PLCH1: variants seen among roughly 807,000 people sequenced by gnomAD.
The protein encoded by PLCH1 is 1-phosphatidylinositol 4,5-bisphosphate phosphodiesterase eta-1.
Under a neutral mutation model 126.7 loss-of-function variants are expected in PLCH1, and 60 were observed. The ratio of observed to expected loss-of-function variants is 0.47; its 90% CI spans 0.38 to 0.59. PLCH1 has a LOEUF of 0.59. Ranked by LOEUF, PLCH1 falls within the 20% of genes least tolerant of loss-of-function variation. The pLI, the probability that PLCH1 is intolerant of heterozygous loss-of-function variation, is 0.00. For synonymous variants in PLCH1, 719 were observed against 734.9 expected, an observed-to-expected ratio of 0.98 and a Z score of 0.35; for missense variants, 1,723 against 2,040.0, an observed-to-expected ratio of 0.84 and a Z score of 2.99.
chr3:155,653,812 A>C (rs1741053893), intron 2 of PLCH1, among the ~76,000 whole-genome samples: 1 of 152,156 alleles, frequency 6.6e-6, no homozygotes. Context: ...CTACATCATC[A>C]ATTTATTTTT....
chr3:155,666,981 C>G (rs7428196), intron 2 of PLCH1, among the ~76,000 whole-genome samples: 50,571 of 151,368 alleles, frequency 0.33, 8,709 homozygotes, highest in East Asian at 0.46. Flanking sequence ...ATTATTAGGA[C>G]ATATATTCCA....
intron 2 of PLCH1, among the ~76,000 whole-genome samples, chr3:155,617,530 T>G (rs1735942296): frequency 6.6e-6 from 1 of 152,234 alleles, no homozygotes; most frequent in South Asian, 2.1e-4. Flanking sequence ...CAATGAAGTA[T>G]ACTCCTGTGA....
At chr3:155,667,294 A>G (rs1742834507) in intron 2 of PLCH1, among the ~76,000 whole-genome samples, 2 of 152,202 alleles carry the variant, frequency 1.3e-5, no homozygotes, top group Admixed American at 1.3e-4. Context: ...CCCTGACACC[A>G]GTGTTCCTCT....
chr3:155,633,247 C>G (rs12488043), intron 2 of PLCH1, among the ~76,000 whole-genome samples: 44,777 of 151,616 alleles, frequency 0.3, 7,189 homozygotes, highest in East Asian at 0.44. Flanking sequence ...TGGAGATGCT[C>G]TAAGAGGCTA....
intron 2 of PLCH1, among the ~76,000 whole-genome samples, chr3:155,657,180 C>G (rs907457232): frequency 1.7e-4 from 26 of 151,540 alleles, no homozygotes; most frequent in African/African-American, 6.3e-4. Context: ...ATGAAACAAA[C>G]AGAATATATG....
intron 2 of PLCH1, among the ~76,000 whole-genome samples, chr3:155,612,450 A>T (rs1735231283): frequency 6.6e-6 from 1 of 152,072 alleles, no homozygotes; most frequent in South Asian, 2.1e-4. Context: ...ACAAGAACAA[A>T]CTAAACCCAA....
intron 6 of PLCH1, among the ~76,000 whole-genome samples, chr3:155,571,824 G>C (rs1456104039): frequency 1.3e-5 from 2 of 152,210 alleles, no homozygotes; most frequent in Non-Finnish European, 2.9e-5. Flanking sequence ...TGGATCTGCA[G>C]ATCTGCCTCT....
chr3:155,737,861 CAGA>C (rs1344567726), intron 1 of PLCH1, among the ~76,000 whole-genome samples: 1 of 151,904 alleles, frequency 6.6e-6, no homozygotes. Context: ...ATCTAAGGTC[CAGA>C]AGCCTCTTCA....
intron 6 of PLCH1, among the ~76,000 whole-genome samples, chr3:155,578,820 G>T (rs1382341267): frequency 1.3e-5 from 2 of 152,050 alleles, no homozygotes; most frequent in South Asian, 4.2e-4. Context: ...GGTATCTCCG[G>T]CCTTCCCCCC....
chr3:155,621,600 A>T (rs1000016074), intron 2 of PLCH1, among the ~76,000 whole-genome samples: 1 of 152,270 alleles, frequency 6.6e-6, no homozygotes, highest in South Asian at 2.1e-4. Context: ...ACAGCACAAG[A>T]ACTTCGTGAA....
At chr3:155,587,416 G>C (rs1305481543) in intron 4 of PLCH1, among the ~76,000 whole-genome samples, 2 of 152,174 alleles carry the variant, frequency 1.3e-5, no homozygotes, top group African/African-American at 4.8e-5. Flanking sequence ...TGAGAGGAGA[G>C]AGAGAAATCT....
At chr3:155,609,226 G>A (rs186930603) in intron 2 of PLCH1, among the ~76,000 whole-genome samples, 4 of 152,240 alleles carry the variant, frequency 2.6e-5, no homozygotes, top group East Asian at 3.9e-4. Context: ...AGGACTCTTC[G>A]CAGACTTTCC....
chr3:155,657,845 G>GTAAGTCAAGGTGAAAAAGGC (rs1244815666), intron 2 of PLCH1: 2 of 152,188 alleles, frequency 1.3e-5, no homozygotes, highest in Admixed American at 1.3e-4. Context: ...GTGAAAAAGG[G>GTAAGTCAAGGTGAAAAAGGC]TAAGTCAAGG....
At chr3:155,731,467 C>G (rs565737897) in intron 1 of PLCH1, among the ~76,000 whole-genome samples, 5 of 152,326 alleles carry the variant, frequency 3.3e-5, no homozygotes, top group East Asian at 3.9e-4. Flanking sequence ...CCTGAAGATT[C>G]AGATGCAACG....
At chr3:155,596,429 C>A in intron 2 of PLCH1, 51 bp from the exon 3 acceptor site, 1 of 1,504,672 alleles carries the variant, frequency 6.6e-7, no homozygotes, top group South Asian at 1.2e-5. Context: ...CACAGGCATA[C>A]TGGTGTCCAG....
rs1274264330 is a variant in PLCH1, at chr3:155,627,751, CA to C, written c.80-31374del. Among the ~76,000 whole-genome samples the C allele has an allele frequency of 1.3e-4, 19 of 146,124 alleles. No individual in the cohort carries two copies. In the South Asian group the frequency reaches 1.3e-3, roughly 10 times the overall value. The stretch of plus-strand genomic sequence containing the variant: ...AAGAATATCATAAATCTAATTTTGC[CA>C]AAAAAAGTTATCGGAGATTTTTTTT... On this transcript the variant is annotated intron_variant, in intron 2 of 22. Coordinates refer to ENST00000460012, the MANE Select transcript of PLCH1 (RefSeq NM_014996.4).
In PLCH1 at chr3:155,731,287, C is replaced by G. The variant is rs116383881; in HGVS notation, c.-41+13553G>C. 3.4e-3 allele frequency among the ~76,000 whole-genome samples: 524 copies of G among 152,314 alleles called. 4 individuals are homozygous for G. The highest frequency in any genetic ancestry group is 0.012 in the African/African-American group (499 of 41,570). On this transcript the variant is annotated intron_variant, in intron 1 of 22. Coordinates refer to ENST00000460012, the MANE Select transcript of PLCH1 (RefSeq NM_014996.4). The stretch of plus-strand genomic sequence containing the variant: ...AGCAGCTGGCCAGCACCTGCAGACT[C>G]AGGCTCAAGGCCTATTCCAGTGACA...
At chr3:155,458,486 GA>G (rs1560027376) in intron 21 of PLCH1, among the ~76,000 whole-genome samples, 2 of 97,960 alleles carry the variant, frequency 2.0e-5, no homozygotes, top group African/African-American at 1.9e-4. Context: ...AAGAAAGAAA[GA>G]AAGAAAGAAA....
intron 2 of PLCH1, among the ~76,000 whole-genome samples, chr3:155,679,785 A>T (rs1054588048): frequency 5.9e-5 from 9 of 152,150 alleles, no homozygotes; most frequent in Non-Finnish European, 1.3e-4. Context: ...TCTTCATGAA[A>T]ATTCTGCAAG....
Sources: gnomAD v4.1 joint callset for allele counts (sites outside exome capture counted in the v4.1 genomes callset) on GRCh38, gnomAD v4.1.1 for gene constraint, MANE v1.5 for transcripts, NCBI Gene and HGNC (gene_info 2026-07-23, HGNC 2026-07-21) for gene names.